The following MYCBP2 variants were observed in gnomAD, a reference collection of about 807,000 sequenced individuals.
MYCBP2 encodes the protein E3 ubiquitin-protein ligase MYCBP2.
In MYCBP2, 120 loss-of-function variants were observed where a neutral mutation model predicts 525.3. The observed-to-expected ratio is 0.23, with a 90% CI of 0.20 to 0.27. The LOEUF is 0.27. Ranked by LOEUF, MYCBP2 falls within the 10% of genes least tolerant of loss-of-function variation. MYCBP2 has a pLI of 1.00. For synonymous variants in MYCBP2, 1,894 were observed against 1,955.8 expected (o/e 0.97, Z 0.83); for missense variants, 4,149 against 5,657.1 (o/e 0.73, Z 8.55).
intron 82 of MYCBP2, among the ~76,000 whole-genome samples, chr13:77,047,520 G>A (rs925080051): frequency 6.6e-6 from 1 of 152,142 alleles, no homozygotes; most frequent in Non-Finnish European, 1.5e-5. Flanking sequence ...GCCTTAGGTA[G>A]ATAGCAAGGG....
At chr13:77,275,259 G>A (rs2075395307) in intron 4 of MYCBP2, among the ~76,000 whole-genome samples, 1 of 152,186 alleles carries the variant, frequency 6.6e-6, no homozygotes, top group Non-Finnish European at 1.5e-5. Context: ...AATAGAGAAT[G>A]ACTTTCCATT....
intron 58 of MYCBP2, among the ~76,000 whole-genome samples, chr13:77,094,657 G>C (rs1407313380): frequency 6.6e-6 from 1 of 152,124 alleles, no homozygotes; most frequent in African/African-American, 2.4e-5. Context: ...TTACTCACCT[G>C]GGTTATTCTT....
At chr13:77,225,197 A>G (rs942421290) in intron 19 of MYCBP2, among the ~76,000 whole-genome samples, 1 of 152,238 alleles carries the variant, frequency 6.6e-6, no homozygotes, top group Non-Finnish European at 1.5e-5. Context: ...CTTGAATTAT[A>G]AAAGAAGTCC....
Position 77,061,182 on chromosome 13 carries a change from G to T in MYCBP2, c.13023C>A (p.Phe4341Leu). 6.2e-7 allele frequency: 1 copy of T among 1,606,924 alleles called. No individual in the cohort carries two copies. Among genetic ancestry groups the T allele is most frequent in the Non-Finnish European group, 8.5e-7 (1 of 1,177,038 alleles). The stretch of plus-strand genomic sequence containing the variant: ...TAAACCTTTTACCTGTGTGTTCTCG[G>T]AATTCCACCATTGCCTTCATTGTTT... ...DSKTMKAMVE[F>L]REHTGKPTTS... Residue 4341 changes from phenylalanine to leucine, a missense_variant, in exon 76 of 83, where the codon TTC (phenylalanine) becomes TTA (leucine). Transcript: ENST00000544440.
rs745374512 is a variant in MYCBP2 at position 77,087,465 on chromosome 13, A to G, written c.10875+19T>C. On this transcript the variant is annotated intron_variant, in intron 62 of 82. Transcript: ENST00000544440. ...GTTTCTATAAAAATATGCACAATCAAAACAAAAATTTCATTTACTTGTTCT... is the reference window on the plus strand; with the variant it reads ...GTTTCTATAAAAATATGCACAATCAGAACAAAAATTTCATTTACTTGTTCT... 3.1e-6 allele frequency: 5 copies of G among 1,591,050 alleles called. No individual in the cohort carries two copies. The South Asian group carries it at 5.6e-5, about 18-fold the overall frequency.
Position 77,140,172 on chromosome 13 carries a change from G to A in MYCBP2, c.7402-9C>T. The A allele has an allele frequency of 6.4e-7, 1 of 1,570,950 alleles. No individual in the cohort carries two copies. Among genetic ancestry groups the A allele is most frequent in the Non-Finnish European group, 8.7e-7 (1 of 1,155,164 alleles). On this transcript the variant is annotated splice_polypyrimidine_tract_variant and intron_variant, in intron 50 of 82. Coordinates refer to ENST00000544440, the MANE Select transcript of MYCBP2 (RefSeq NM_015057.5). ...GCCACAAATTTTCGAACCTGAGAAA[G>A]GCAAAGATAAACAGTGAGGTAGGAA...
intron 18 of MYCBP2, among the ~76,000 whole-genome samples, chr13:77,231,729 A>C (rs2154301204): frequency 6.6e-6 from 1 of 152,330 alleles, no homozygotes; most frequent in East Asian, 1.9e-4. Flanking sequence ...TGAATATTTA[A>C]CCTCAGTTAA....
chr13:77,301,477 C>T (rs991926980), intron 1 of MYCBP2, among the ~76,000 whole-genome samples: 35 of 135,432 alleles, frequency 2.6e-4, no homozygotes, highest in Non-Finnish European at 4.7e-5. Context: ...GAAGAGAAAA[C>T]TTCCGTAAGA....
intron 76 of MYCBP2, among the ~76,000 whole-genome samples, chr13:77,060,441 A>T (rs2039065725): frequency 6.6e-6 from 1 of 152,232 alleles, no homozygotes; most frequent in Non-Finnish European, 1.5e-5. Context: ...CCTAGAATTA[A>T]ATTGATTCGG....
At chr13:77,225,368 T>G (rs1200047240) in intron 19 of MYCBP2, 67 bp downstream of exon 19, 1 of 1,600,860 alleles carries the variant, frequency 6.2e-7, no homozygotes, top group Non-Finnish European at 8.5e-7. Flanking sequence ...GTTCATCAAA[T>G]CTGAAGAAAT....
chr13:77,313,908 T>C (rs1203548821), intron 1 of MYCBP2, among the ~76,000 whole-genome samples: 3 of 151,900 alleles, frequency 2.0e-5, no homozygotes, highest in Non-Finnish European at 4.4e-5. Context: ...TATGAAAAGA[T>C]GTTCTACATC....
chr13:77,215,488 A>T (rs1222670528), intron 21 of MYCBP2, among the ~76,000 whole-genome samples: 1 of 152,226 alleles, frequency 6.6e-6, no homozygotes, highest in African/African-American at 2.4e-5. Context: ...TGTTGAGAGG[A>T]AAGATTCTTA....
At chr13:77,266,391 A>T (rs1393701760) in intron 8 of MYCBP2, among the ~76,000 whole-genome samples, 1 of 152,168 alleles carries the variant, frequency 6.6e-6, no homozygotes, top group East Asian at 1.9e-4. Flanking sequence ...ACATTGTAGA[A>T]GACTATTTAA....
chr13:77,206,039 A>T (rs758790503), intron 24 of MYCBP2, among the ~76,000 whole-genome samples: 14 of 152,300 alleles, frequency 9.2e-5, no homozygotes, highest in Non-Finnish European at 1.9e-4. Context: ...TGATATGGTA[A>T]TTATATTTAG....
In MYCBP2 at chr13:77,156,134, C is replaced by T. The variant is rs151088212; in HGVS notation, c.6839G>A (p.Arg2280His). The change falls in exon 46 of 83, where the codon CGT (arginine) becomes CAT (histidine). Residue 2280 changes from arginine to histidine, a missense_variant. Physicochemically the swap from Arg to His is conservative, Grantham distance 29 (BLOSUM62 0). Around this residue, in one of 21 missense-constraint regions of MYCBP2, gnomAD observed 692 missense variants for 852.7 expected, o/e 0.81. Transcript: ENST00000544440. ...TSLILNKDDI[R>H]CGWPTTITVQ... ...AGTTATGGTGGTAGGCCAACCACAA[C>T]GAATATCATCCTTATTCAGGATCAA... 16 of 1,613,886 alleles carry T rather than the reference C, an allele frequency of 9.9e-6. No homozygotes were observed. The highest frequency in any genetic ancestry group is 4.4e-5 in the South Asian group (4 of 91,074).
intron 52 of MYCBP2, chr13:77,129,345 AAATATTATT>A (rs2052309764): frequency 2.6e-6 from 1 of 388,862 alleles, no homozygotes; most frequent in Admixed American, 4.4e-5. Flanking sequence ...ACCAACATGG[AAATATTATT>A]TTACTAAAGA....
intron 3 of MYCBP2, among the ~76,000 whole-genome samples, chr13:77,283,567 G>C (rs1265438745): frequency 6.6e-6 from 1 of 152,156 alleles, no homozygotes; most frequent in African/African-American, 2.4e-5. Context: ...CTTCAAATGG[G>C]TTCAGATGGG....
chr13:77,312,825 C>CT (rs56654461), intron 1 of MYCBP2, among the ~76,000 whole-genome samples: 4,565 of 151,898 alleles, frequency 0.03, 242 homozygotes, highest in African/African-American at 0.1. Flanking sequence ...CAGTGGATTT[C>CT]TTTTTTTAAG....
At chr13:77,284,006 G>A (rs2076475432) in intron 3 of MYCBP2, among the ~76,000 whole-genome samples, 1 of 152,170 alleles carries the variant, frequency 6.6e-6, no homozygotes, top group Non-Finnish European at 1.5e-5. Context: ...AAAACTTAAT[G>A]TAGAAGCATT....
Sources: allele counts gnomAD v4.1 joint callset (sites outside exome capture counted in the v4.1 genomes callset), GRCh38; gene constraint gnomAD v4.1.1; regional missense constraint gnomAD v4.1.1; transcripts MANE v1.5; gene names NCBI Gene and HGNC (gene_info 2026-07-23, HGNC 2026-07-21).